Variants in ABCB6 observed in about 807,000 individuals in gnomAD.
ABCB6 encodes ATP binding cassette subfamily B member 6 (LAN blood group).
In ABCB6, 87 loss-of-function variants were observed where a neutral mutation model predicts 99.4. That is an observed-to-expected ratio of 0.88 (90% confidence interval 0.74 to 1.05). ABCB6 has a LOEUF of 1.05. Ranked by LOEUF, ABCB6 falls within the 50% of genes least tolerant of loss-of-function variation. The probability of loss-of-function intolerance (pLI) is 0.00; values close to 1 mark genes in which losing one functional copy is unlikely to be tolerated. For synonymous variants in ABCB6, 482 were observed against 447.5 expected (o/e 1.08, Z -0.97); for missense variants, 1,050 against 1,097.9 (o/e 0.96, Z 0.62).
At position 219,218,401 on chromosome 2, in the gene ABCB6, C is replaced by G. The variant is rs1037829674; in HGVS notation, c.273G>C (p.Leu91=). The G allele has an allele frequency of 4.3e-6, 7 of 1,611,820 alleles. No homozygotes were observed. Among genetic ancestry groups the G allele is most frequent in the Non-Finnish European group, 5.9e-6 (7 of 1,179,378 alleles). ...TLQAALPLAG[L]AGRVGTARGA... The stretch of plus-strand genomic sequence containing the variant: ...CCCGGGCAGTGCCCACCCGGCCAGC[C>G]AGGCCGGCCAGGGGCAGCGCCGCCT... Residue 91 remains leucine (L), a synonymous_variant, in exon 1 of 19, where the codon CTG becomes CTC. Coordinates refer to ENST00000265316, the MANE Select transcript of ABCB6 (RefSeq NM_005689.4).
At position 219,218,792 on chromosome 2, in the gene ABCB6, A is replaced by C; in HGVS notation, c.-119T>G. ...TGGCTCACGTAGCCGCTGGGCGCCA[A>C]GCTGCGGGGGTCCCGGGAAGGGACG... On this transcript the variant is annotated 5_prime_UTR_variant, in exon 1 of 19. Transcript: ENST00000265316. The C allele has an allele frequency of 8.5e-7, 1 of 1,169,768 alleles. No individual in the cohort carries two copies. The highest frequency in any genetic ancestry group is 2.8e-5 in the East Asian group (1 of 36,162). The allele number at this position is 1,169,768 out of a possible 1,614,324, so 72.5% of individuals were successfully genotyped here.
Position 219,213,273 on chromosome 2 carries a change from C to T in ABCB6, c.1773G>A (p.Glu591=). The T allele has an allele frequency of 6.2e-7, 1 of 1,614,170 alleles. No homozygotes were observed. Among genetic ancestry groups the T allele is most frequent in the Non-Finnish European group, 8.5e-7 (1 of 1,180,044 alleles). The part of the protein sequence containing the change: ...GPLRFQKGRI[E]FENVHFSYAD... The stretch of plus-strand genomic sequence containing the variant: ...CATAGCTGAAGTGCACGTTCTCAAA[C>T]TCAATACGGCCCTTCTGAAAGCGAA... The change falls in exon 12 of 19, where the codon GAG becomes GAA. Residue 591 remains glutamate, a synonymous_variant. Transcript: ENST00000265316.
rs188495459 is a variant in ABCB6 at position 219,210,470 on chromosome 2, C to T, written c.2262G>A (p.Thr754=). ...APGIILLDEA[T]SALDTSNERA... is the part of the protein sequence containing the mutation. ...TCTCATTAGATGTATCCAGCGCTGA[C>T]GTTGCCTATAGAGAGGGTCCAGGTA... The change falls in exon 17 of 19, where the codon ACG becomes ACA. Residue 754 remains threonine, a synonymous_variant. Coordinates refer to ENST00000265316, the MANE Select transcript of ABCB6 (RefSeq NM_005689.4). 4.3e-5 allele frequency: 70 copies of T among 1,614,124 alleles called. No individual in the cohort carries two copies. The highest frequency in any genetic ancestry group is 1.6e-4 in the Middle Eastern group (1 of 6,062).
chr2:219,217,851 T>C (rs554690314), intron 1 of ABCB6, 44 bp from the exon 2 acceptor site: 8 of 1,603,228 alleles, frequency 5.0e-6, no homozygotes, highest in African/African-American at 4.1e-5. Flanking sequence ...GAGGATAAAA[T>C]TTCATTGTAT....
intron 1 of ABCB6, 69 bp from the exon 2 acceptor site, chr2:219,217,876 G>A: frequency 1.3e-6 from 2 of 1,568,086 alleles, no homozygotes; most frequent in Non-Finnish European, 1.7e-6. Context: ...ACTTATAATA[G>A]GGCCGGGGAC....
At position 219,218,606 on chromosome 2, in the gene ABCB6, A is replaced by G. The variant is rs761748260; in HGVS notation, c.68T>C (p.Leu23Pro). ...PVGPAWMQDG[L>P]SPCFFFTLVP... ...GAGCGTGAAGAAGAAGCAGGGACTCAGGCCATCCTGCATCCAGGCCGGACC... is the reference window on the plus strand; with the variant it reads ...GAGCGTGAAGAAGAAGCAGGGACTCGGGCCATCCTGCATCCAGGCCGGACC... The change falls in exon 1 of 19, where the codon CTG (leucine) becomes CCG (proline). Residue 23 changes from leucine (L) to proline (P), a missense_variant. By Grantham distance (98) the Leu-to-Pro change is moderately conservative. Coordinates refer to ENST00000265316, the MANE Select transcript of ABCB6 (RefSeq NM_005689.4). 51 of 1,611,896 alleles carry G rather than the reference A, an allele frequency of 3.2e-5. No homozygotes were observed. Among genetic ancestry groups the G allele is most frequent in the African/African-American group, 1.3e-5 (1 of 74,924 alleles).
intron 12 of ABCB6, 71 bp downstream of exon 12, chr2:219,213,170 A>G: frequency 6.2e-7 from 1 of 1,605,760 alleles, no homozygotes; most frequent in Non-Finnish European, 8.5e-7. Context: ...GCAGGGATTC[A>G]GAGCACTGAG....
chr2:219,212,220 A>C (rs1373960950), intron 14 of ABCB6, among the ~76,000 whole-genome samples, 167 bp downstream of exon 14: 1 of 152,108 alleles, frequency 6.6e-6, no homozygotes, highest in Non-Finnish European at 1.5e-5. Flanking sequence ...ATGGCACCAT[A>C]CAAATCCTTA....
intron 2 of ABCB6, among the ~76,000 whole-genome samples, 194 bp from the exon 3 acceptor site, chr2:219,217,026 T>A (rs1053416236): frequency 1.3e-5 from 2 of 152,166 alleles, no homozygotes; most frequent in Non-Finnish European, 2.9e-5. Flanking sequence ...GGGGAAGGAA[T>A]GATGACAGGG....
chr2:219,215,261 G>C (rs1950625143), intron 5 of ABCB6, 179 bp from the exon 6 acceptor site: 1 of 682,476 alleles, frequency 1.5e-6, no homozygotes, highest in African/African-American at 1.8e-5. Flanking sequence ...AGAATTCTCT[G>C]TATCAATTAC....
chr2:219,217,417 AGGC>A (rs1322341115), intron 2 of ABCB6, among the ~76,000 whole-genome samples: 1 of 152,106 alleles, frequency 6.6e-6, no homozygotes, highest in Non-Finnish European at 1.5e-5. Flanking sequence ...AGGCTGAGGC[AGGC>A]GGATCACGAG....
Position 219,216,754 on chromosome 2 carries a change from G to A in ABCB6, c.766C>T (p.Arg256Ter), listed in dbSNP as rs145489859. The change falls in exon 3 of 19, where the codon CGA becomes TGA. Residue 256 changes from arginine (R) to a stop codon, truncating the protein, a stop_gained. Transcript: ENST00000265316. LOFTEE classifies it high-confidence loss of function. This position sits in a 1 kb window ranked among gnomAD's most constrained non-coding sequence, Gnocchi z 4.2. ...LRLLSGYLWP[R>*]GSPALQLVVL... ...ACCAGCTGCAGAGCTGGACTCCCTC[G>A]AGGCCACAGGTAGCCACTCAGGAGG... 79 of 1,611,030 alleles carry A rather than the reference G, an allele frequency of 4.9e-5. No homozygotes were observed. Among genetic ancestry groups the A allele is most frequent in the Non-Finnish European group, 6.1e-5 (72 of 1,178,946 alleles).
chr2:219,213,706 T>A, intron 9 of ABCB6, 40 bp from the exon 10 acceptor site: 2 of 1,613,650 alleles, frequency 1.2e-6, no homozygotes, highest in South Asian at 2.2e-5. Flanking sequence ...ACGGGGGGCC[T>A]GCAGGCCGCT....
chr2:219,214,883 A>G (rs1950620795), intron 6 of ABCB6, 78 bp downstream of exon 6: 1 of 1,574,692 alleles, frequency 6.4e-7, no homozygotes, highest in South Asian at 1.1e-5. Flanking sequence ...TAGGTGGGTC[A>G]CTTGAGTGGG....
Position 219,217,714 on chromosome 2 carries a change from T to C in ABCB6, c.643A>G (p.Thr215Ala), listed in dbSNP as rs1450419727. The C allele has an allele frequency of 3.1e-6, 5 of 1,613,290 alleles. No homozygotes were observed. The highest frequency in any genetic ancestry group is 4.2e-6 in the Non-Finnish European group (5 of 1,179,806). ...TGGTCCTCTTCATGAACCTGCAATG[T>C]ATAGGACTGGGGACGAAGTCCAGGG... is the stretch of plus-strand genomic sequence containing the variant. ...WAPGLRPQSY[T>A]LQVHEEDQDV... The change falls in exon 2 of 19, where the codon ACA becomes GCA. Residue 215 changes from threonine (T) to alanine (A), a missense_variant. Physicochemically the swap from Thr to Ala is moderately conservative, Grantham distance 58. Transcript: ENST00000265316.
rs1435886536 is a variant in ABCB6 at position 219,210,485 on chromosome 2, G to A, written c.2257-10C>T. 3 of 1,613,414 alleles carry A rather than the reference G, an allele frequency of 1.9e-6. No individual in the cohort carries two copies. The highest frequency in any genetic ancestry group is 2.2e-5 in the South Asian group (2 of 90,986). On this transcript the variant is annotated splice_polypyrimidine_tract_variant and intron_variant, in intron 16 of 18. Coordinates refer to ENST00000265316, the MANE Select transcript of ABCB6 (RefSeq NM_005689.4). ...CCAGCGCTGACGTTGCCTATAGAGA[G>A]GGTCCAGGTAAAACTGCTCCTGCCA...
At chr2:219,214,610 A>C (rs1482176078) in intron 6 of ABCB6, 112 bp from the exon 7 acceptor site, 1 of 802,314 alleles carries the variant, frequency 1.2e-6, no homozygotes, top group African/African-American at 1.7e-5. Flanking sequence ...TCAAGCCCGG[A>C]CACCCAGATT....
intron 5 of ABCB6, 126 bp from the exon 6 acceptor site, chr2:219,215,208 A>C: frequency 8.1e-7 from 1 of 1,241,226 alleles, no homozygotes; most frequent in Non-Finnish European, 1.1e-6. Context: ...AATTAATTCT[A>C]CCCTCAAGAG....
chr2:219,217,146 G>C (rs1950651618), intron 2 of ABCB6, among the ~76,000 whole-genome samples: 2 of 151,956 alleles, frequency 1.3e-5, no homozygotes, highest in Non-Finnish European at 2.9e-5. Context: ...GTCACCTGAG[G>C]TCAGGAGTTC....
Sources: gnomAD v4.1 joint callset for allele counts (sites outside exome capture counted in the v4.1 genomes callset) on GRCh38, gnomAD v4.1.1 for gene constraint, Gnocchi (gnomAD v3.1) non-coding constraint, MANE v1.5 for transcripts, NCBI Gene and HGNC (gene_info 2026-07-23, HGNC 2026-07-21) for gene names.